RNF17: variants seen among roughly 807,000 people sequenced by gnomAD.
RNF17 encodes the protein ring finger protein 17, also known as spermatogenesis associated 23.
RNF17 carries 31 observed loss-of-function variants against 200.5 expected under a neutral mutation model. The observed-to-expected ratio is 0.15, with a 90% CI of 0.12 to 0.21. The LOEUF (loss-of-function observed/expected upper bound fraction) is 0.21. Ranked by LOEUF, RNF17 falls within the 10% of genes least tolerant of loss-of-function variation. The pLI is 1.00. For missense variants in RNF17, 1,628 were observed against 1,905.1 expected (o/e 0.85, Z 2.71); for synonymous variants, 606 against 637.8 (o/e 0.95, Z 0.75).
intron 15 of RNF17, among the ~76,000 whole-genome samples, chr13:24,806,437 C>T (rs193062347): frequency 1.2e-4 from 19 of 152,282 alleles, no homozygotes; most frequent in African/African-American, 4.6e-4. Context: ...GGAATTGCCA[C>T]ACCGGTTGAA....
At chr13:24,787,484 A>G (rs1180020080) in intron 6 of RNF17, among the ~76,000 whole-genome samples, 2 of 152,080 alleles carry the variant, frequency 1.3e-5, no homozygotes, top group Non-Finnish European at 2.9e-5. Context: ...ACAGTCCTTC[A>G]CTGAGTGGTT....
chr13:24,756,965 A>T, the RNF17 span, among the ~76,000 whole-genome samples: 4 of 152,160 alleles, frequency 2.6e-5, no homozygotes, highest in African/African-American at 9.7e-5. Context: ...TTGATAGTAG[A>T]TACAGTTCCT....
chr13:24,826,655 C>A (rs979255779), intron 16 of RNF17, among the ~76,000 whole-genome samples: 4 of 151,950 alleles, frequency 2.6e-5, no homozygotes, highest in Admixed American at 2.6e-4. Context: ...TGCCTGTAAG[C>A]CCAGCTATTC....
At chr13:24,862,214 G>A (rs951748303) in intron 27 of RNF17, among the ~76,000 whole-genome samples, 2 of 152,180 alleles carry the variant, frequency 1.3e-5, no homozygotes, top group African/African-American at 4.8e-5. Flanking sequence ...CTGCCGTCAA[G>A]ATGTCCACCA....
At chr13:24,845,574 A>G (rs1350406388) in intron 22 of RNF17, among the ~76,000 whole-genome samples, 1 of 152,156 alleles carries the variant, frequency 6.6e-6, no homozygotes, top group Admixed American at 6.5e-5. Context: ...TACACCATGA[A>G]CCAGGACCTT....
At chr13:24,794,153 A>G (rs1242037813) in intron 10 of RNF17, 1 of 446,762 alleles carries the variant, frequency 2.2e-6, no homozygotes, top group Non-Finnish European at 4.5e-6. Flanking sequence ...ATTTTGATGA[A>G]GCATGCGGCA....
chr13:24,785,492 A>G (rs993626706), intron 6 of RNF17, among the ~76,000 whole-genome samples: 1 of 152,200 alleles, frequency 6.6e-6, no homozygotes, highest in East Asian at 1.9e-4. Flanking sequence ...TGAACATTAA[A>G]CATTAGTCAG....
chr13:24,851,116 T>A (rs1259928572), intron 23 of RNF17, among the ~76,000 whole-genome samples: 3 of 152,206 alleles, frequency 2.0e-5, no homozygotes, highest in Non-Finnish European at 4.4e-5. Flanking sequence ...TGTCTCAGCC[T>A]CCCGAGTAGC....
chr13:24,799,342 A>C, intron 11 of RNF17, 53 bp from the exon 12 acceptor site: 1 of 1,367,236 alleles, frequency 7.3e-7, no homozygotes, highest in African/African-American at 1.5e-5. Flanking sequence ...TAAACTTATG[A>C]AGTGGCTTTT....
intron 34 of RNF17, among the ~76,000 whole-genome samples, chr13:24,878,482 C>T (rs1895094531): frequency 6.6e-6 from 1 of 152,134 alleles, no homozygotes; most frequent in African/African-American, 2.4e-5. Flanking sequence ...AGCTGGAGAA[C>T]CAGAGAAGCT....
intron 18 of RNF17, among the ~76,000 whole-genome samples, chr13:24,832,514 A>G (rs887167926): frequency 5.3e-5 from 8 of 152,222 alleles, no homozygotes; most frequent in African/African-American, 1.9e-4. Flanking sequence ...TTCAGCAGCA[A>G]AATTGGTTCT....
At chr13:24,869,083 C>T (rs757704544) in intron 31 of RNF17, among the ~76,000 whole-genome samples, 4 of 151,092 alleles carry the variant, frequency 2.6e-5, no homozygotes, top group African/African-American at 4.8e-5. Flanking sequence ...GTTCCACTTA[C>T]TATGTTTGTC....
intron 15 of RNF17, among the ~76,000 whole-genome samples, chr13:24,810,224 T>C (rs2090233788): frequency 6.7e-6 from 1 of 148,500 alleles, no homozygotes; most frequent in African/African-American, 2.6e-5. Context: ...TTGATCTGTC[T>C]AATGTTGACA....
At chr13:24,799,370 A>C (rs767330107) in intron 11 of RNF17, 25 bp from the exon 12 acceptor site, 1 of 1,556,972 alleles carries the variant, frequency 6.4e-7, no homozygotes, top group African/African-American at 1.4e-5. Flanking sequence ...AATGTTTATA[A>C]CGATTTGTTT....
chr13:24,806,617 C>T (rs1219260093), intron 15 of RNF17, among the ~76,000 whole-genome samples: 1 of 152,158 alleles, frequency 6.6e-6, no homozygotes, highest in African/African-American at 2.4e-5. Flanking sequence ...TTGTTGGTCA[C>T]AGCAATGTCT....
At chr13:24,804,523 A>C in intron 15 of RNF17, 94 bp downstream of exon 15, 1 of 923,898 alleles carries the variant, frequency 1.1e-6, no homozygotes, top group African/African-American at 1.7e-5. Flanking sequence ...AATTTTAGTC[A>C]GAGCAAACGT....
chr13:24,764,060 C>A, upstream of RNF17: 1 of 731,978 alleles, frequency 1.4e-6, no homozygotes. Flanking sequence ...GCCCCAGCCC[C>A]ATCAGGAGCG....
At chr13:24,840,221 A>G (rs1890468126) in intron 18 of RNF17, among the ~76,000 whole-genome samples, 1 of 152,194 alleles carries the variant, frequency 6.6e-6, no homozygotes, top group Non-Finnish European at 1.5e-5. Context: ...CAAAAAATCA[A>G]AAAACAATAG....
rs780760891 is a variant in RNF17, at chr13:24,781,899, T to C, written c.566T>C (p.Val189Ala). 3.1e-6 allele frequency: 5 copies of C among 1,613,414 alleles called. No individual in the cohort carries two copies. The highest frequency in any genetic ancestry group is 1.3e-5 in the African/African-American group (1 of 74,986). Reference sequence around the variant, plus strand: ...GAGGAAAGAGAAAGAGTTATAGAAGTTGTGGAGAAACAGTTTGACCAACTT... The same window carrying C: ...GAGGAAAGAGAAAGAGTTATAGAAGCTGTGGAGAAACAGTTTGACCAACTT... Reference protein sequence around the residue: ...TIEERERVIEVVEKQFDQLLA... With the variant: ...TIEERERVIEAVEKQFDQLLA... The change falls in exon 6 of 36, where the codon GTT (valine) becomes GCT (alanine). Residue 189 changes from valine (V) to alanine (A), a missense_variant. Physicochemically the swap from Val to Ala is moderately conservative, Grantham distance 64. Transcript: ENST00000255324.
Sources: allele counts gnomAD v4.1 joint callset (sites outside exome capture counted in the v4.1 genomes callset), GRCh38; gene constraint gnomAD v4.1.1; transcripts MANE v1.5; gene names NCBI Gene and HGNC (gene_info 2026-07-23, HGNC 2026-07-21).